The following ATF1 variants were observed in gnomAD, a reference collection of about 807,000 sequenced individuals.
ATF1 encodes the protein cyclic AMP-dependent transcription factor ATF-1.
ATF1 carries 16 observed loss-of-function variants against 34.7 expected under a neutral mutation model. The ratio of observed to expected loss-of-function variants is 0.46; its 90% CI spans 0.31 to 0.70. The LOEUF is 0.70. Ranked by LOEUF, ATF1 falls within the 30% of genes least tolerant of loss-of-function variation. The probability of loss-of-function intolerance (pLI) is 0.05; values close to 1 mark genes in which losing one functional copy is unlikely to be tolerated. For synonymous variants in ATF1, 105 were observed against 113.1 expected, an observed-to-expected ratio of 0.93 and a Z score of 0.46; for missense variants, 255 against 321.6, an observed-to-expected ratio of 0.79 and a Z score of 1.58.
rs1281176465 is a variant in ATF1, at chr12:50,820,413, T to C, written c.*634T>C. ...GCATCTAAGGTACATGAATGGAGTA[T>C]GGTGATTTTATAACATTTTTTATCA... is the stretch of plus-strand genomic sequence containing the variant. On this transcript the variant is annotated 3_prime_UTR_variant, in exon 7 of 7. Coordinates refer to ENST00000262053, the MANE Select transcript of ATF1 (RefSeq NM_005171.5). 6 of 185,944 alleles carry C rather than the reference T, an allele frequency of 3.2e-5. No homozygotes were observed. Among genetic ancestry groups the C allele is most frequent in the Non-Finnish European group, 6.8e-5 (6 of 87,728 alleles). The allele number at this position is 185,944 out of a possible 1,614,324, so 11.5% of individuals were successfully genotyped here.
chr12:50,797,574 G>A (rs1941432989), intron 3 of ATF1, among the ~76,000 whole-genome samples: 1 of 152,080 alleles, frequency 6.6e-6, no homozygotes, highest in African/African-American at 2.4e-5. Context: ...AACCTCCTGG[G>A]GTCAGCTCCT....
At chr12:50,779,372 A>T (rs750063976) in intron 1 of ATF1, among the ~76,000 whole-genome samples, 19 of 152,214 alleles carry the variant, frequency 1.2e-4, no homozygotes, top group Non-Finnish European at 2.1e-4. Flanking sequence ...CCACCAGCAC[A>T]GTAGTGTACC....
At chr12:50,816,764 G>T (rs895793185) in intron 6 of ATF1, among the ~76,000 whole-genome samples, 1 of 151,948 alleles carries the variant, frequency 6.6e-6, no homozygotes, top group Admixed American at 6.6e-5. Context: ...TGTGGTAGAG[G>T]CAGGAGAATC....
intron 3 of ATF1, among the ~76,000 whole-genome samples, chr12:50,803,121 TAGTC>T (rs1412808102): frequency 6.6e-6 from 1 of 150,518 alleles, no homozygotes; most frequent in East Asian, 2.0e-4. Context: ...TACAAAAAAT[TAGTC>T]AGGCATGGTG....
chr12:50,782,851 A>G (rs1170982667), intron 2 of ATF1, among the ~76,000 whole-genome samples: 1 of 151,728 alleles, frequency 6.6e-6, no homozygotes, highest in Non-Finnish European at 1.5e-5. Context: ...TGCCACGACC[A>G]GCTAATTTGT....
chr12:50,764,659 A>AT (rs1457682281), intron 1 of ATF1: 2 of 152,260 alleles, frequency 1.3e-5, no homozygotes, highest in African/African-American at 4.8e-5. Context: ...TTGGGCCCGG[A>AT]GCCGGGCGGA....
chr12:50,789,031 C>T (rs967780906), intron 2 of ATF1, among the ~76,000 whole-genome samples: 6 of 151,768 alleles, frequency 4.0e-5, no homozygotes, highest in Admixed American at 6.6e-5. Context: ...ACAGTGCTAG[C>T]GACTGATACG....
At chr12:50,805,685 C>A (rs1222127160) in intron 3 of ATF1, among the ~76,000 whole-genome samples, 4 of 151,034 alleles carry the variant, frequency 2.6e-5, no homozygotes, top group African/African-American at 9.8e-5. Flanking sequence ...ATAATTAGTT[C>A]TTTCCAGTGT....
intron 2 of ATF1, among the ~76,000 whole-genome samples, chr12:50,786,248 A>G (rs1941182945): frequency 6.6e-6 from 1 of 152,176 alleles, no homozygotes; most frequent in Non-Finnish European, 1.5e-5. Flanking sequence ...AAAGAATGTT[A>G]CTCTTACCCT....
At chr12:50,771,653 TA>T (rs567681389) in intron 1 of ATF1, among the ~76,000 whole-genome samples, 31 of 152,066 alleles carry the variant, frequency 2.0e-4, no homozygotes, top group African/African-American at 7.5e-4. Context: ...ACAGGCTGGG[TA>T]AAATGAGGCT....
Position 50,809,468 on chromosome 12 carries a change from A to T in ATF1, c.207A>T (p.Lys69Asn). The change falls in exon 4 of 7, where the codon AAA becomes AAT. Residue 69 changes from lysine to asparagine, a missense_variant. Transcript: ENST00000262053. ...GTTTTTTTTACAGAAAAATTTTGAA[A>T]GACTTATCTTCTGAAGATACACGGG... The part of the protein sequence containing the change: ...ARRPSYRKIL[K>N]DLSSEDTRGR... The T allele has an allele frequency of 6.2e-7, 1 of 1,611,624 alleles. No homozygotes were observed.
At chr12:50,774,786 C>T (rs1232655072) in intron 1 of ATF1, among the ~76,000 whole-genome samples, 36 of 146,072 alleles carry the variant, frequency 2.5e-4, no homozygotes, top group African/African-American at 7.9e-4. Context: ...CTCACTCTGT[C>T]GCCCAGGCTG....
At chr12:50,791,473 T>C (rs1333342091) in intron 2 of ATF1, among the ~76,000 whole-genome samples, 1 of 152,058 alleles carries the variant, frequency 6.6e-6, no homozygotes, top group Non-Finnish European at 1.5e-5. Flanking sequence ...GGAGAATCGT[T>C]TGAACCCAGG....
rs1262138894 is a variant in ATF1 at position 50,819,918 on chromosome 12, A to T, written c.*139A>T. On this transcript the variant is annotated 3_prime_UTR_variant, in exon 7 of 7. Coordinates refer to ENST00000262053, the MANE Select transcript of ATF1 (RefSeq NM_005171.5). ...ATCAAGGATAAATATCTTACGCACG[A>T]TATCTAGTGACAGAGGAGAAAGTGG... The T allele has an allele frequency of 1.4e-6, 1 of 709,070 alleles. No homozygotes were observed. Among genetic ancestry groups the T allele is most frequent in the Admixed American group, 3.6e-5 (1 of 27,762 alleles). The allele number at this position is 709,070 out of a possible 1,614,324, so 43.9% of individuals were successfully genotyped here. A position where few individuals can be genotyped will look rare whatever the true frequency, so the allele number is the denominator to read the frequency against.
intron 1 of ATF1, among the ~76,000 whole-genome samples, chr12:50,767,965 C>T (rs983775207): frequency 2.0e-5 from 3 of 151,812 alleles, no homozygotes; most frequent in African/African-American, 7.3e-5. Flanking sequence ...CTCCGCCTCC[C>T]GAGTTCAAGT....
chr12:50,808,528 C>G (rs1941665026), intron 3 of ATF1, among the ~76,000 whole-genome samples: 1 of 151,814 alleles, frequency 6.6e-6, no homozygotes, highest in Non-Finnish European at 1.5e-5. Context: ...TGGGTATCAC[C>G]ATGTTGGCCA....
chr12:50,802,932 T>C (rs1041095717), intron 3 of ATF1, among the ~76,000 whole-genome samples: 2 of 137,284 alleles, frequency 1.5e-5, no homozygotes, highest in African/African-American at 5.4e-5. Flanking sequence ...TGTTGATTGA[T>C]CAGAAGACTA....
chr12:50,763,655 AAAAAAAAGCTGAGG>A (rs1940547011), upstream of ATF1: 1 of 152,120 alleles, frequency 6.6e-6, no homozygotes, highest in Admixed American at 6.6e-5. Flanking sequence ...AAAAAAAAAA[AAAAAAAAGCTGAGG>A]AAGTCAAAGC....
chr12:50,814,625 TGTC>T (rs1383314679), intron 6 of ATF1, among the ~76,000 whole-genome samples, 186 bp downstream of exon 6: 1 of 152,176 alleles, frequency 6.6e-6, no homozygotes, highest in Non-Finnish European at 1.5e-5. Flanking sequence ...CCTGTGCTAA[TGTC>T]ATAGTGCAAC....
Sources: allele counts gnomAD v4.1 joint callset (sites outside exome capture counted in the v4.1 genomes callset), GRCh38; gene constraint gnomAD v4.1.1; transcripts MANE v1.5; gene names NCBI Gene and HGNC (gene_info 2026-07-23, HGNC 2026-07-21).